CLIP4: variants seen among roughly 807,000 people sequenced by gnomAD.
The protein encoded by CLIP4 is CAP-Gly domain containing linker protein family member 4, also known as CAP-Gly domain-containing linker protein 4.
A neutral mutation model predicts 73.1 loss-of-function variants in CLIP4; 47 were observed. The ratio of observed to expected loss-of-function variants is 0.64; its 90% CI spans 0.51 to 0.82. CLIP4 has a LOEUF of 0.82. Ranked by LOEUF, CLIP4 falls within the 40% of genes least tolerant of loss-of-function variation. The probability of loss-of-function intolerance (pLI) is 0.00; values close to 1 mark genes in which losing one functional copy is unlikely to be tolerated. For synonymous variants in CLIP4, 306 were observed against 295.4 expected, an observed-to-expected ratio of 1.04 and a Z score of -0.37; for missense variants, 874 against 852.9, an observed-to-expected ratio of 1.02 and a Z score of -0.31.
intron 11 of CLIP4, among the ~76,000 whole-genome samples, chr2:29,158,219 T>G (rs925231584): frequency 3.3e-5 from 5 of 152,198 alleles, no homozygotes; most frequent in African/African-American, 1.2e-4. Flanking sequence ...AGTTTTTCTT[T>G]ATGTTGTGAG....
chr2:29,122,511 C>A (rs1664324978), intron 2 of CLIP4, among the ~76,000 whole-genome samples: 1 of 151,954 alleles, frequency 6.6e-6, no homozygotes, highest in South Asian at 2.1e-4. Flanking sequence ...GGATGGAGAA[C>A]AATCATTTTA....
At chr2:29,152,660 A>T in intron 8 of CLIP4, 25 bp from the exon 9 acceptor site, 1 of 1,606,472 alleles carries the variant, frequency 6.2e-7, no homozygotes, top group Non-Finnish European at 8.5e-7. Context: ...ATTGTTTAAC[A>T]CTAAAATTCT....
At chr2:29,147,082 T>G (rs1666221947) in intron 8 of CLIP4, among the ~76,000 whole-genome samples, 1 of 152,224 alleles carries the variant, frequency 6.6e-6, no homozygotes, top group African/African-American at 2.4e-5. Context: ...TATCCTAGTG[T>G]AATTTCCCCA....
intron 8 of CLIP4, among the ~76,000 whole-genome samples, chr2:29,145,650 T>A (rs1362960684): frequency 1.3e-5 from 2 of 152,174 alleles, no homozygotes; most frequent in African/African-American, 4.8e-5. Context: ...GTATAAGAGT[T>A]AGCCTTGCAT....
chr2:29,133,722 G>A lies in CLIP4; in HGVS notation c.435G>A (p.Arg145=), dbSNP rs141785373. ...ACCTGGGAGCAGACATTAGTTTGCGGAGTCGCTGGACAAACATGAATGCTT... is the reference window on the plus strand; with the variant it reads ...ACCTGGGAGCAGACATTAGTTTGCGAAGTCGCTGGACAAACATGAATGCTT... ...LIDLGADISL[R]SRWTNMNALH... Residue 145 remains arginine, a synonymous_variant, in exon 5 of 16, where the codon CGG becomes CGA. Coordinates refer to ENST00000320081, the MANE Select transcript of CLIP4 (RefSeq NM_024692.6). The A allele has an allele frequency of 9.5e-5, 153 of 1,613,696 alleles. No homozygotes were observed. The highest frequency in any genetic ancestry group is 1.3e-4 in the Non-Finnish European group (149 of 1,179,884).
In CLIP4 at chr2:29,133,691, T is replaced by C. The variant is rs1324055175; in HGVS notation, c.404T>C (p.Leu135Pro). The stretch of plus-strand genomic sequence containing the variant: ...ACAGCTGTAAAATTTGCAACTCAGC[T>C]TATTGACCTGGGAGCAGACATTAGT... The part of the protein sequence containing the change: ...VETAVKFATQ[L>P]IDLGADISLR... Residue 135 changes from leucine (L) to proline (P), a missense_variant, in exon 5 of 16, where the codon CTT (leucine) becomes CCT (proline). By Grantham distance (98) the Leu-to-Pro change is moderately conservative. Coordinates refer to ENST00000320081, the MANE Select transcript of CLIP4 (RefSeq NM_024692.6). 1 of 1,612,998 alleles carries C rather than the reference T, an allele frequency of 6.2e-7. No homozygotes were observed. The highest frequency in any genetic ancestry group is 1.1e-5 in the South Asian group (1 of 90,780).
chr2:29,121,303 T>C (rs1664231782), intron 1 of CLIP4, 71 bp from the exon 2 acceptor site: 1 of 1,381,436 alleles, frequency 7.2e-7, no homozygotes, highest in African/African-American at 1.5e-5. Context: ...TTTTAGGCAG[T>C]TATTGAAGGC....
At position 29,182,107 on chromosome 2, in the gene CLIP4, A is replaced by G. The variant is rs1411491459; in HGVS notation, c.*214A>G. On this transcript the variant is annotated 3_prime_UTR_variant, in exon 16 of 16. Transcript: ENST00000320081. The stretch of plus-strand genomic sequence containing the variant: ...TTTTAAAGCAATTTTCAAAATAAGT[A>G]CCAATTAAAGCTTTAGGTTCCAAGA... The G allele has an allele frequency of 1.0e-5, 4 of 387,556 alleles. No homozygotes were observed. Among genetic ancestry groups the G allele is most frequent in the African/African-American group, 8.3e-5 (4 of 48,076 alleles). The allele number at this position is 387,556 out of a possible 1,614,324, so 24.0% of individuals were successfully genotyped here.
chr2:29,119,657 G>C lies in CLIP4; in HGVS notation c.-15-1717G>C, dbSNP rs115373204. ...TCTTTGATGAGGTATTTGCTCCTCAGTACAGCCCTAAAAAGCCCTTACAGC... is the reference window on the plus strand; with the variant it reads ...TCTTTGATGAGGTATTTGCTCCTCACTACAGCCCTAAAAAGCCCTTACAGC... On this transcript the variant is annotated intron_variant, in intron 1 of 15. Coordinates refer to ENST00000320081, the MANE Select transcript of CLIP4 (RefSeq NM_024692.6). Among the ~76,000 whole-genome samples, 867 of 152,254 alleles carry C rather than the reference G, an allele frequency of 5.7e-3. 7 individuals carry two copies. Among genetic ancestry groups the C allele is most frequent in the African/African-American group, 0.02 (815 of 41,534 alleles).
intron 8 of CLIP4, among the ~76,000 whole-genome samples, chr2:29,150,638 T>G (rs545228524): frequency 1.2e-3 from 169 of 143,498 alleles, no homozygotes; most frequent in African/African-American, 4.1e-3. Flanking sequence ...TTTTTTTGAT[T>G]TGCTCTTTTT....
chr2:29,125,446 C>T (rs1188644338), intron 2 of CLIP4, among the ~76,000 whole-genome samples: 1 of 152,160 alleles, frequency 6.6e-6, no homozygotes, highest in Admixed American at 6.5e-5. Context: ...CTGCTGTATT[C>T]TGCCCTGTGA....
upstream of CLIP4, among the ~76,000 whole-genome samples, chr2:29,111,182 T>C (rs915823659): frequency 3.3e-5 from 5 of 152,246 alleles, no homozygotes; most frequent in African/African-American, 1.2e-4. Context: ...CAGAATATAT[T>C]TACCAGTTTA....
chr2:29,178,476 T>A (rs1668469893), intron 15 of CLIP4, among the ~76,000 whole-genome samples: 1 of 152,096 alleles, frequency 6.6e-6, no homozygotes, highest in South Asian at 2.1e-4. Flanking sequence ...CCACTGTGCC[T>A]GGCCATGTGT....
chr2:29,133,529 G>A, intron 4 of CLIP4, 126 bp from the exon 5 acceptor site: 1 of 741,622 alleles, frequency 1.3e-6, no homozygotes, highest in South Asian at 2.6e-5. Context: ...TCTTGCAAGT[G>A]AAATTTTTGA....
At chr2:29,135,475 G>A in intron 5 of CLIP4, 73 bp from the exon 6 acceptor site, 2 of 1,100,436 alleles carry the variant, frequency 1.8e-6, no homozygotes, top group Non-Finnish European at 2.6e-6. Flanking sequence ...TCCTCCCAAA[G>A]CCCTGTCTTC....
intron 1 of CLIP4, among the ~76,000 whole-genome samples, chr2:29,121,075 G>A (rs1664217192): frequency 6.6e-6 from 1 of 152,098 alleles, no homozygotes; most frequent in Non-Finnish European, 1.5e-5. Flanking sequence ...ATGAGTAGGA[G>A]GATTTCACCC....
intron 8 of CLIP4, among the ~76,000 whole-genome samples, chr2:29,147,783 C>T (rs1666271509): frequency 6.6e-6 from 1 of 152,118 alleles, no homozygotes; most frequent in Non-Finnish European, 1.5e-5. Flanking sequence ...TGCTGCAGAG[C>T]ACTAGAACTT....
At chr2:29,107,370 T>TTTTTGTTTTTTTTTTTTTTG (rs1558504975) in intron 1 of CLIP4, among the ~76,000 whole-genome samples, 1 of 114,892 alleles carries the variant, frequency 8.7e-6, no homozygotes, top group African/African-American at 3.9e-5. Flanking sequence ...TTTTTTTTTT[T>TTTTTGTTTTTTTTTTTTTTG]TTTTTTTTTT....
chr2:29,135,490 A>C, intron 5 of CLIP4, 58 bp from the exon 6 acceptor site: 5 of 1,309,668 alleles, frequency 3.8e-6, no homozygotes, highest in Non-Finnish European at 5.3e-6. Flanking sequence ...GTCTTCTTTT[A>C]AATTATGATA....
Sources: gnomAD v4.1 joint callset for allele counts (sites outside exome capture counted in the v4.1 genomes callset) on GRCh38, gnomAD v4.1.1 for gene constraint, MANE v1.5 for transcripts, NCBI Gene and HGNC (gene_info 2026-07-23, HGNC 2026-07-21) for gene names.